Variants in PARP2 observed in about 807,000 individuals in gnomAD.
The protein encoded by PARP2 is poly(ADP-ribose) polymerase 2.
Under a neutral mutation model 77.8 loss-of-function variants are expected in PARP2, and 57 were observed. The observed-to-expected ratio is 0.73, with a 90% confidence interval of 0.59 to 0.91. PARP2 has a LOEUF of 0.91. PARP2 is among the 40% of genes least tolerant of loss of function. The pLI, the probability that PARP2 is intolerant of heterozygous loss-of-function variation, is 0.00. For missense variants in PARP2, 651 were observed against 689.0 expected, an observed-to-expected ratio of 0.94 and a Z score of 0.62; for synonymous variants, 226 against 242.6, an observed-to-expected ratio of 0.93 and a Z score of 0.64.
intron 4 of PARP2, among the ~76,000 whole-genome samples, chr14:20,348,396 G>GTT (rs761339440): frequency 7.0e-6 from 1 of 142,818 alleles, no homozygotes; most frequent in Non-Finnish European, 1.5e-5. Flanking sequence ...AAAATTTTGG[G>GTT]TTTTTTTTTT....
chr14:20,345,343 C>G, intron 2 of PARP2, 51 bp from the exon 3 acceptor site: 3 of 1,484,868 alleles, frequency 2.0e-6, no homozygotes, highest in Non-Finnish European at 2.8e-6. Flanking sequence ...TGTTTTACCA[C>G]AACAGCTGTT....
chr14:20,352,350 AAC>A lies in PARP2; in HGVS notation c.600+4_600+5del. Reference sequence around the variant, plus strand: ...TGGACTATGCCACCAATACTCAGGTAACTCTCACTATACTTTTCGAAAGAAAC... The same window carrying A: ...TGGACTATGCCACCAATACTCAGGTATCTCACTATACTTTTCGAAAGAAAC... On this transcript the variant is annotated splice_donor_5th_base_variant and intron_variant, in intron 7 of 15. Transcript: ENST00000429687. 1.3e-6 allele frequency: 2 copies of A among 1,513,040 alleles called. No homozygotes were observed. The highest frequency in any genetic ancestry group is 1.8e-6 in the Non-Finnish European group (2 of 1,089,204). The allele number at this position is 1,513,040 out of a possible 1,614,324, so 93.7% of individuals were successfully genotyped here.
At chr14:20,348,591 T>G (rs1260287651) in intron 4 of PARP2, among the ~76,000 whole-genome samples, 1 of 152,188 alleles carries the variant, frequency 6.6e-6, no homozygotes, top group Non-Finnish European at 1.5e-5. Flanking sequence ...AGATAATACA[T>G]TTGCCTCATT....
chr14:20,346,121 A>G (rs181465662), intron 3 of PARP2, among the ~76,000 whole-genome samples: 1 of 152,238 alleles, frequency 6.6e-6, no homozygotes, highest in Non-Finnish European at 1.5e-5. Flanking sequence ...TACAAACTAT[A>G]TCACATGCGT....
At chr14:20,351,150 A>T (rs201474813) in intron 6 of PARP2, 28 bp downstream of exon 6, 1 of 1,559,494 alleles carries the variant, frequency 6.4e-7, no homozygotes, top group African/African-American at 1.4e-5. Flanking sequence ...ACTACAAAAA[A>T]ATATACCCTC....
Position 20,345,443 on chromosome 14 carries a change from G to C in PARP2, c.252G>C (p.Glu84Asp). The change falls in exon 3 of 16, where the codon GAG (glutamate) becomes GAC (aspartate). Residue 84 changes from glutamate to aspartate, a missense_variant. Coordinates refer to ENST00000429687, the MANE Select transcript of PARP2 (RefSeq NM_001042618.2). ...AGGGCAAAGCTCCTGTGGACCCAGA[G>C]TGTACAGCCAAGGTGGGGAAGGTAA... ...LLKGKAPVDP[E>D]CTAKVGKAHV... The C allele has an allele frequency of 6.2e-7, 1 of 1,613,880 alleles. No individual in the cohort carries two copies. Among genetic ancestry groups the C allele is most frequent in the Non-Finnish European group, 8.5e-7 (1 of 1,179,776 alleles).
At chr14:20,356,568 A>G in intron 12 of PARP2, 22 bp from the exon 13 acceptor site, 1 of 1,608,130 alleles carries the variant, frequency 6.2e-7, no homozygotes, top group Non-Finnish European at 8.5e-7. Context: ...AACAGAGTAC[A>G]ATAATATTGG....
Position 20,346,871 on chromosome 14 carries a change from G to T in PARP2, c.282G>T (p.Val94=). 1 of 1,603,006 alleles carries T rather than the reference G, an allele frequency of 6.2e-7. No individual in the cohort carries two copies. ...TCTCTCTCCCTTTCTAGGCTCATGT[G>T]TATTGTGAAGGAAATGATGTCTATG... ...ECTAKVGKAH[V]YCEGNDVYDV... Residue 94 remains valine (V), a synonymous_variant, in exon 4 of 16, where the codon GTG becomes GTT. Coordinates refer to ENST00000429687, the MANE Select transcript of PARP2 (RefSeq NM_001042618.2).
In PARP2 at chr14:20,357,688, A is replaced by T. The variant is rs1473372589; in HGVS notation, c.1604A>T (p.Asn535Ile). 1 of 1,614,056 alleles carries T rather than the reference A, an allele frequency of 6.2e-7. No homozygotes were observed. The highest frequency in any genetic ancestry group is 1.7e-5 in the Admixed American group (1 of 60,000). The change falls in exon 16 of 16, where the codon AAT becomes ATT. Residue 535 changes from asparagine (N) to isoleucine (I), a missense_variant. Asn to Ile is a moderately radical substitution (Grantham distance 149, BLOSUM62 -3). Coordinates refer to ENST00000429687, the MANE Select transcript of PARP2 (RefSeq NM_001042618.2). ...LGPASDTGIL[N>I]PDGYTLNYNE... ...CCAGCAAGTGACACAGGAATTCTGA[A>T]TCCAGATGGTTATACCCTCAACTAC... is the stretch of plus-strand genomic sequence containing the variant.
At chr14:20,348,525 G>C (rs2138925821) in intron 4 of PARP2, among the ~76,000 whole-genome samples, 1 of 151,672 alleles carries the variant, frequency 6.6e-6, no homozygotes, top group East Asian at 1.9e-4. Flanking sequence ...CTGCCCCCAA[G>C]CTCAGCTTTC....
At chr14:20,349,226 G>A (rs996813823) in intron 4 of PARP2, among the ~76,000 whole-genome samples, 1 of 151,862 alleles carries the variant, frequency 6.6e-6, no homozygotes, top group Non-Finnish European at 1.5e-5. Context: ...AGGCTGAGGT[G>A]GGAGGATTGC....
At position 20,357,872 on chromosome 14, in the gene PARP2, G is replaced by T. The variant is rs1213049251; in HGVS notation, c.*75G>T. 2.9e-6 allele frequency: 4 copies of T among 1,365,130 alleles called. No homozygotes were observed. In the African/African-American group the frequency reaches 5.8e-5, roughly 20 times the overall value. 84.6% of individuals were successfully genotyped at this position (1,365,130 alleles called of 1,614,324 possible). A position where few individuals can be genotyped will look rare whatever the true frequency, so the allele number is the denominator to read the frequency against. The stretch of plus-strand genomic sequence containing the variant: ...GCAGTGTTGTACTTGTGAATTTTGT[G>T]ATATTTTATGTAATAAAAACTGTAC... On this transcript the variant is annotated 3_prime_UTR_variant, in exon 16 of 16. Coordinates refer to ENST00000429687, the MANE Select transcript of PARP2 (RefSeq NM_001042618.2).
intron 5 of PARP2, 37 bp from the exon 6 acceptor site, chr14:20,351,010 T>C (rs780225915): frequency 4.5e-6 from 7 of 1,538,898 alleles, no homozygotes; most frequent in Non-Finnish European, 6.3e-6. Flanking sequence ...CCTGTTACTC[T>C]TAGGGAACTA....
At chr14:20,349,097 C>T (rs1041863838) in intron 4 of PARP2, among the ~76,000 whole-genome samples, 5 of 151,918 alleles carry the variant, frequency 3.3e-5, no homozygotes, top group African/African-American at 9.7e-5. Context: ...CTAGCACTTT[C>T]GGAGGCCAAG....
chr14:20,343,691 C>A lies in PARP2; in HGVS notation c.46+4C>A, dbSNP rs547016942. ...ACCGGCGGCGGCAGGGCGAGAGGTT[C>A]GGAGCTCAATATCGCGGGACGGCAT... is the stretch of plus-strand genomic sequence containing the variant. On this transcript the variant is annotated splice_donor_region_variant and intron_variant, in intron 1 of 15. Coordinates refer to ENST00000429687, the MANE Select transcript of PARP2 (RefSeq NM_001042618.2). 40 of 1,609,328 alleles carry A rather than the reference C, an allele frequency of 2.5e-5. No homozygotes were observed. The East Asian group carries it at 8.7e-4, about 35-fold the overall frequency.
intron 6 of PARP2, among the ~76,000 whole-genome samples, chr14:20,351,432 G>A (rs1883950985): frequency 6.6e-6 from 1 of 152,128 alleles, no homozygotes; most frequent in Non-Finnish European, 1.5e-5. Flanking sequence ...GCCTGCCTCA[G>A]CCTCCCAAAG....
At chr14:20,345,300 G>C (rs558629760) in intron 2 of PARP2, 94 bp from the exon 3 acceptor site, 1 of 1,202,816 alleles carries the variant, frequency 8.3e-7, no homozygotes, top group African/African-American at 1.5e-5. Context: ...ACCAGGATTG[G>C]TTGGGCGGGC....
chr14:20,356,949 A>T, intron 13 of PARP2, 102 bp from the exon 14 acceptor site: 1 of 810,104 alleles, frequency 1.2e-6, no homozygotes, highest in South Asian at 1.4e-5. Context: ...AGAAGGGTCT[A>T]TATTGTGTTT....
rs932647757 is a variant in PARP2, at chr14:20,356,369, G to C, written c.1164G>C (p.Leu388Phe). 1.2e-6 allele frequency: 2 copies of C among 1,614,096 alleles called. No individual in the cohort carries two copies. Among genetic ancestry groups the C allele is most frequent in the Non-Finnish European group, 1.7e-6 (2 of 1,179,964 alleles). ...APTHSDYTMT[L>F]LDLFEVEKDG... ...CACACAGCGACTATACCATGACCTTGCTGGATTTGTTTGAAGTGGAGAAGG... is the reference window on the plus strand; with the variant it reads ...CACACAGCGACTATACCATGACCTTCCTGGATTTGTTTGAAGTGGAGAAGG... Residue 388 changes from leucine (L) to phenylalanine (F), a missense_variant, in exon 12 of 16, where the codon TTG becomes TTC. Transcript: ENST00000429687.
Sources: allele counts gnomAD v4.1 joint callset (sites outside exome capture counted in the v4.1 genomes callset), GRCh38; gene constraint gnomAD v4.1.1; transcripts MANE v1.5; gene names NCBI Gene and HGNC (gene_info 2026-07-23, HGNC 2026-07-21).